INSYN2B: variants seen among roughly 807,000 people sequenced by gnomAD.
INSYN2B encodes protein INSYN2B.
Under a neutral mutation model 41.2 loss-of-function variants are expected in INSYN2B, and 16 were observed. The observed-to-expected ratio is 0.39, with a 90% confidence interval of 0.26 to 0.59. The LOEUF (loss-of-function observed/expected upper bound fraction) is 0.59. Among genes scored for constraint, INSYN2B ranks in the 20% least tolerant of loss-of-function variants. INSYN2B has a pLI of 0.57. For missense variants in INSYN2B, 608 were observed against 646.4 expected (o/e 0.94, Z 0.64); for synonymous variants, 245 against 244.4 (o/e 1.00, Z -0.02).
At chr5:169,947,477 G>A (rs1012518538) in intron 1 of INSYN2B, among the ~76,000 whole-genome samples, 5 of 152,178 alleles carry the variant, frequency 3.3e-5, no homozygotes, top group African/African-American at 1.2e-4. Flanking sequence ...TGAAAGCACA[G>A]GCTCAGAGAG....
chr5:169,895,251 T>A (rs956957829), intron 1 of INSYN2B, among the ~76,000 whole-genome samples: 2 of 152,136 alleles, frequency 1.3e-5, no homozygotes, highest in African/African-American at 4.8e-5. Context: ...AGTTTAAATG[T>A]CCCCCTTCCT....
Position 169,903,096 on chromosome 5 carries a change from C to CA in INSYN2B, c.-918-18281dup, listed in dbSNP as rs1022825066. ...CTGGCGACAGAGCAAGACTCCATCT[C>CA]AAAAAAAAAAGAAAGAAAGGGGTGA... On this transcript the variant is annotated intron_variant, in intron 1 of 3. Coordinates refer to ENST00000377365, the MANE Select transcript of INSYN2B (RefSeq NM_001129891.3). 6.1e-3 allele frequency among the ~76,000 whole-genome samples: 867 copies of CA among 141,868 alleles called. 11 individuals are homozygous for CA. The highest frequency in any genetic ancestry group is 0.02 in the African/African-American group (789 of 38,674). The allele number at this position is 141,868 out of a possible 152,430, so 93.1% of individuals were successfully genotyped here. A position where few individuals can be genotyped will look rare whatever the true frequency, so the allele number is the denominator to read the frequency against.
chr5:169,865,199 G>T (rs1771467220), intron 3 of INSYN2B, among the ~76,000 whole-genome samples: 1 of 152,122 alleles, frequency 6.6e-6, no homozygotes, highest in Non-Finnish European at 1.5e-5. Flanking sequence ...GTTGTTGTTG[G>T]CTATTTTACT....
At chr5:169,894,015 A>G (rs1051248794) in intron 1 of INSYN2B, among the ~76,000 whole-genome samples, 9 of 152,240 alleles carry the variant, frequency 5.9e-5, no homozygotes, top group African/African-American at 2.2e-4. Context: ...ATGCTCCAGT[A>G]TAGACCAGTC....
chr5:169,894,618 C>G (rs1166003478), intron 1 of INSYN2B, among the ~76,000 whole-genome samples: 1 of 152,116 alleles, frequency 6.6e-6, no homozygotes. Flanking sequence ...CTCGGTGGCA[C>G]AAGCAGTTTG....
intron 1 of INSYN2B, among the ~76,000 whole-genome samples, chr5:169,943,316 A>G (rs1195960490): frequency 6.6e-6 from 1 of 152,142 alleles, no homozygotes; most frequent in Non-Finnish European, 1.5e-5. Context: ...GTAGCTGTCT[A>G]AAGGTTGATC....
In INSYN2B at chr5:169,863,964, GTT is replaced by G. The variant is rs1368199652; in HGVS notation, c.*307_*308del. 6.6e-6 allele frequency among the ~76,000 whole-genome samples: 1 copy of G among 152,190 alleles called. No homozygotes were observed. Among genetic ancestry groups the G allele is most frequent in the East Asian group, 1.9e-4 (1 of 5,196 alleles). Reference sequence around the variant, plus strand: ...GAGGTGTTGGAAGGTGTAGTGTGGGGTTTTGCTCGTGGTGGGAATCTGGTCTT... The same window carrying G: ...GAGGTGTTGGAAGGTGTAGTGTGGGGTTGCTCGTGGTGGGAATCTGGTCTT... On this transcript the variant is annotated 3_prime_UTR_variant, in exon 4 of 4. Transcript: ENST00000377365.
intron 1 of INSYN2B, among the ~76,000 whole-genome samples, chr5:169,898,387 G>T (rs1174892291): frequency 1.3e-5 from 2 of 152,190 alleles, no homozygotes; most frequent in Admixed American, 6.5e-5. Flanking sequence ...TCTAGAGCCA[G>T]GCTGCCTGGG....
chr5:169,967,789 G>A (rs988298400), intron 1 of INSYN2B, among the ~76,000 whole-genome samples: 8 of 152,102 alleles, frequency 5.3e-5, no homozygotes, highest in African/African-American at 1.9e-4. Context: ...AAGAGTGTAG[G>A]GAGAGAAATG....
At chr5:169,952,421 G>T (rs546630455) in intron 1 of INSYN2B, among the ~76,000 whole-genome samples, 1 of 152,118 alleles carries the variant, frequency 6.6e-6, no homozygotes, top group South Asian at 2.1e-4. Flanking sequence ...TCCCCTTTAA[G>T]TAAAGGACAA....
chr5:169,869,573 G>A (rs1410292942), intron 3 of INSYN2B, among the ~76,000 whole-genome samples: 1 of 152,082 alleles, frequency 6.6e-6, no homozygotes, highest in Non-Finnish European at 1.5e-5. Context: ...TATAAATGGG[G>A]AGGGACAGAG....
intron 3 of INSYN2B, among the ~76,000 whole-genome samples, chr5:169,865,873 C>A (rs1165709742): frequency 1.3e-5 from 2 of 152,216 alleles, no homozygotes; most frequent in East Asian, 1.9e-4. Context: ...GGACATCTGC[C>A]CTTGCTTACT....
intron 1 of INSYN2B, among the ~76,000 whole-genome samples, chr5:169,896,115 G>A (rs573017407): frequency 5.9e-5 from 9 of 152,250 alleles, no homozygotes; most frequent in African/African-American, 1.7e-4. Context: ...CACAGGGATT[G>A]GAAGGAGCTC....
At chr5:169,893,304 C>A (rs1312083444) in intron 1 of INSYN2B, among the ~76,000 whole-genome samples, 1 of 152,142 alleles carries the variant, frequency 6.6e-6, no homozygotes, top group African/African-American at 2.4e-5. Context: ...AGGGGAAAGC[C>A]TTTACTACCA....
At chr5:169,864,648 T>C (rs1561775330) in intron 3 of INSYN2B, among the ~76,000 whole-genome samples, 189 bp from the exon 4 acceptor site, 1 of 152,216 alleles carries the variant, frequency 6.6e-6, no homozygotes, top group South Asian at 2.1e-4. Flanking sequence ...TCTTCAGTGA[T>C]TGAATTGGCA....
intron 1 of INSYN2B, among the ~76,000 whole-genome samples, chr5:169,973,072 C>G (rs764560578): frequency 6.6e-6 from 1 of 152,190 alleles, no homozygotes; most frequent in Non-Finnish European, 1.5e-5. Flanking sequence ...CACTCCTCTT[C>G]ACTCCTCAAG....
intron 3 of INSYN2B, among the ~76,000 whole-genome samples, chr5:169,879,130 A>G (rs552773708): frequency 2.0e-5 from 3 of 152,328 alleles, no homozygotes; most frequent in Admixed American, 6.5e-5. Flanking sequence ...AGGAAACCGT[A>G]TGCATGGCTA....
chr5:169,879,450 G>T (rs141811009), intron 3 of INSYN2B, among the ~76,000 whole-genome samples: 1 of 152,126 alleles, frequency 6.6e-6, no homozygotes, highest in African/African-American at 2.4e-5. Flanking sequence ...TTAATTGCCC[G>T]TTCCCTTGCA....
Position 169,865,862 on chromosome 5 carries a change from G to A in INSYN2B, c.1422-1403C>T, listed in dbSNP as rs999179367. Reference sequence around the variant, plus strand: ...GGGCTGGAAAACAGCTGTCATTAAAGGGACATCTGCCCTTGCTTACTCTCC... The same window carrying A: ...GGGCTGGAAAACAGCTGTCATTAAAAGGACATCTGCCCTTGCTTACTCTCC... On this transcript the variant is annotated intron_variant, in intron 3 of 3. Coordinates refer to ENST00000377365, the MANE Select transcript of INSYN2B (RefSeq NM_001129891.3). Among the ~76,000 whole-genome samples, 8 of 152,358 alleles carry A rather than the reference G, an allele frequency of 5.3e-5. 1 individual carries two copies. Among genetic ancestry groups the A allele is most frequent in the African/African-American group, 9.6e-5 (4 of 41,594 alleles).
Sources: gnomAD v4.1 joint callset for allele counts (sites outside exome capture counted in the v4.1 genomes callset) on GRCh38, gnomAD v4.1.1 for gene constraint, MANE v1.5 for transcripts, NCBI Gene and HGNC (gene_info 2026-07-23, HGNC 2026-07-21) for gene names.